OR51B5: variants seen among roughly 807,000 people sequenced by gnomAD.
OR51B5 encodes the protein olfactory receptor family 51 subfamily B member 5.
For synonymous variants in OR51B5, 186 were observed against 144.8 expected (o/e 1.28, Z -2.04); for missense variants, 456 against 374.6 (o/e 1.22, Z -1.79).
chr11:5,372,467 G>T (rs568614623), intron 1 of OR51B5, among the ~76,000 whole-genome samples: 18 of 152,172 alleles, frequency 1.2e-4, no homozygotes, highest in Middle Eastern at 3.4e-3. Context: ...ATCTCAACAG[G>T]TGTGAGTGAT....
chr11:5,426,139 A>G (rs1850446567), intron 1 of OR51B5, among the ~76,000 whole-genome samples: 1 of 152,352 alleles, frequency 6.6e-6, no homozygotes, highest in East Asian at 1.9e-4. Flanking sequence ...ACATGATTGT[A>G]TTTAAATAGA....
intron 1 of OR51B5, among the ~76,000 whole-genome samples, chr11:5,499,808 A>C (rs1426063437): frequency 6.6e-6 from 1 of 152,210 alleles, no homozygotes; most frequent in Non-Finnish European, 1.5e-5. Context: ...CTAGCTTGTC[A>C]GCTTCCACTC....
intron 1 of OR51B5, chr11:5,440,523 T>G: frequency 7.3e-7 from 1 of 1,360,760 alleles, no homozygotes; most frequent in Non-Finnish European, 1.0e-6. Flanking sequence ...GTTGTTAACA[T>G]GTCCCAATCC....
chr11:5,442,016 A>T (rs1850696249), intron 1 of OR51B5, among the ~76,000 whole-genome samples: 1 of 152,096 alleles, frequency 6.6e-6, no homozygotes, highest in African/African-American at 2.4e-5. Context: ...CTGTTTTCAT[A>T]TCCTTACTCT....
At chr11:5,401,409 T>A (rs1027221399) in intron 1 of OR51B5, among the ~76,000 whole-genome samples, 2 of 152,220 alleles carry the variant, frequency 1.3e-5, no homozygotes, top group Non-Finnish European at 2.9e-5. Flanking sequence ...CCTTTGCACA[T>A]AATCTTTCTA....
chr11:5,345,883 C>T (rs976192937), upstream of OR51B5: 1 of 94,116 alleles, frequency 1.1e-5, no homozygotes, highest in Non-Finnish European at 2.8e-5. Flanking sequence ...TTTCAGCATC[C>T]ATATTCTGTC....
intron 1 of OR51B5, chr11:5,355,016 A>G (rs760824219): frequency 1.3e-4 from 21 of 160,474 alleles, no homozygotes; most frequent in Non-Finnish European, 1.4e-5. Flanking sequence ...GATATCCACA[A>G]AAAACTCATG....
At chr11:5,417,227 T>C (rs1010105833) in intron 1 of OR51B5, among the ~76,000 whole-genome samples, 9 of 150,074 alleles carry the variant, frequency 6.0e-5, no homozygotes, top group African/African-American at 2.2e-4. Flanking sequence ...TAGCCATATG[T>C]AGAAAGCTGA....
chr11:5,396,391 T>C (rs1849872413), intron 1 of OR51B5, among the ~76,000 whole-genome samples: 2 of 152,190 alleles, frequency 1.3e-5, no homozygotes, highest in Admixed American at 1.3e-4. Context: ...ACAAAATCAA[T>C]GTGCAAAAAT....
intron 1 of OR51B5, chr11:5,455,607 AAGAGAAAG>A (rs1161581654): frequency 1.8e-4 from 27 of 150,786 alleles, no homozygotes; most frequent in African/African-American, 5.4e-4. Context: ...GAAAAAGAGA[AAGAGAAAG>A]AGAGAAAGAG....
intron 1 of OR51B5, among the ~76,000 whole-genome samples, chr11:5,384,427 C>T (rs1564795226): frequency 6.6e-6 from 1 of 152,158 alleles, no homozygotes. Flanking sequence ...AGTCTATGCA[C>T]AGAACCAGAG....
intron 1 of OR51B5, chr11:5,468,499 C>T (rs921212645): frequency 2.8e-6 from 1 of 353,984 alleles, no homozygotes; most frequent in Non-Finnish European, 5.6e-6. Context: ...GAACTTAGCT[C>T]CCAATAACAT....
intron 1 of OR51B5, among the ~76,000 whole-genome samples, chr11:5,385,789 T>G (rs971958397): frequency 7.0e-6 from 1 of 142,564 alleles, no homozygotes. Context: ...ATGTATACCC[T>G]ATACTTATAT....
intron 1 of OR51B5, among the ~76,000 whole-genome samples, chr11:5,477,235 G>C (rs935401806): frequency 6.6e-6 from 1 of 152,002 alleles, no homozygotes; most frequent in Non-Finnish European, 1.5e-5. Context: ...AGTAGTGATG[G>C]TGGGCCCTTT....
intron 1 of OR51B5, chr11:5,453,620 G>C: frequency 6.2e-7 from 1 of 1,613,718 alleles, no homozygotes; most frequent in East Asian, 2.2e-5. Context: ...GAAATACAGT[G>C]ATCCTGCAGG....
At chr11:5,501,239 T>C (rs1215178082) in intron 1 of OR51B5, among the ~76,000 whole-genome samples, 1 of 147,704 alleles carries the variant, frequency 6.8e-6, no homozygotes, top group Non-Finnish European at 1.5e-5. Context: ...TGGGTGGCTA[T>C]ACTAACCTAT....
intron 1 of OR51B5, among the ~76,000 whole-genome samples, chr11:5,414,665 A>G (rs1183246033): frequency 6.6e-6 from 1 of 152,298 alleles, no homozygotes; most frequent in East Asian, 1.9e-4. Context: ...TTAAACCAAC[A>G]AAGATCAAAA....
intron 1 of OR51B5, among the ~76,000 whole-genome samples, chr11:5,415,785 T>C (rs192486487): frequency 6.6e-6 from 1 of 152,240 alleles, no homozygotes; most frequent in East Asian, 1.9e-4. Flanking sequence ...CAATAATCAA[T>C]AGATTACCAA....
In OR51B5 at chr11:5,389,580, T is replaced by C. The variant is rs201780074; in HGVS notation, n.85-42670A>G. Reference sequence around the variant, plus strand: ...GGCAATTGTTTCATTCTGATCATTATTAAGACCAACCCTCGTCTGCACACA... The same window carrying C: ...GGCAATTGTTTCATTCTGATCATTACTAAGACCAACCCTCGTCTGCACACA... On this transcript the variant is annotated intron_variant and non_coding_transcript_variant, in intron 1 of 4. Transcript: ENST00000415970. 2.1e-4 allele frequency: 337 copies of C among 1,613,792 alleles called. No individual in the cohort carries two copies. Among genetic ancestry groups the C allele is most frequent in the Non-Finnish European group, 2.8e-4 (328 of 1,179,842 alleles).
Sources: allele counts gnomAD v4.1 joint callset (sites outside exome capture counted in the v4.1 genomes callset), GRCh38; gene constraint gnomAD v4.1.1; transcripts MANE v1.5; gene names NCBI Gene and HGNC (gene_info 2026-07-23, HGNC 2026-07-21).